Variants in PGPEP1L observed in about 807,000 individuals in gnomAD.
The protein encoded by PGPEP1L is pyroglutamyl-peptidase I like.
Under a neutral mutation model 6.0 loss-of-function variants are expected in PGPEP1L, and 7 were observed. The observed-to-expected ratio is 1.17, with a 90% CI of 0.66 to 2.19. The LOEUF (loss-of-function observed/expected upper bound fraction) is 2.19, where lower values mean the gene tolerates loss of function less well. Among genes scored for constraint, PGPEP1L ranks in the 30% most tolerant of loss-of-function variants. The pLI is 0.00. For synonymous variants in PGPEP1L, 103 were observed against 83.9 expected (o/e 1.23, Z -1.24); for missense variants, 209 against 192.5 (o/e 1.09, Z -0.51).
intron 2 of PGPEP1L, among the ~76,000 whole-genome samples, chr15:98,985,173 A>G (rs549329801): frequency 1.3e-5 from 2 of 152,322 alleles, no homozygotes; most frequent in African/African-American, 4.8e-5. Context: ...GGGCTGAGGC[A>G]TTAGGGTGAC....
intron 2 of PGPEP1L, among the ~76,000 whole-genome samples, chr15:99,004,521 C>A (rs2018020060): frequency 6.6e-6 from 1 of 152,100 alleles, no homozygotes; most frequent in African/African-American, 2.4e-5. Context: ...AGATCGAAAC[C>A]ATCCTGGCCA....
At chr15:99,006,198 T>C (rs781907271) in intron 1 of PGPEP1L, among the ~76,000 whole-genome samples, 2 of 152,230 alleles carry the variant, frequency 1.3e-5, no homozygotes, top group Non-Finnish European at 2.9e-5. Flanking sequence ...CACCGGATCC[T>C]GTATGGATTC....
At chr15:99,001,451 TCTGGGGTG>T (rs1236239061) in intron 2 of PGPEP1L, among the ~76,000 whole-genome samples, 1 of 152,096 alleles carries the variant, frequency 6.6e-6, no homozygotes, top group East Asian at 1.9e-4. Context: ...GGGGTTTCTT[TCTGGGGTG>T]CTGAAAATGT....
In PGPEP1L at chr15:98,969,334, G is replaced by A. The variant is rs906862133; in HGVS notation, c.209+91C>T. 1.3e-5 allele frequency: 19 copies of A among 1,518,050 alleles called. No individual in the cohort carries two copies. In the East Asian group the frequency reaches 1.8e-4, roughly 14 times the overall value. The allele number at this position is 1,518,050 out of a possible 1,614,324, so 94.0% of individuals were successfully genotyped here. On this transcript the variant is annotated intron_variant, in intron 4 of 4. Coordinates refer to ENST00000535714, the MANE Select transcript of PGPEP1L (RefSeq NM_001167902.2). ...CGCATGGCCAAGTGGCCAGCTGGAC[G>A]ATACAGGATGGCTTCTTGGAGGTCG...
intron 2 of PGPEP1L, among the ~76,000 whole-genome samples, chr15:99,000,410 G>A (rs909674823): frequency 1.7e-4 from 26 of 152,230 alleles, no homozygotes; most frequent in South Asian, 8.3e-4. Flanking sequence ...AGGACTGGCA[G>A]GCAGCTCCAC....
intron 2 of PGPEP1L, among the ~76,000 whole-genome samples, chr15:99,001,741 A>T (rs1211106626): frequency 6.6e-6 from 1 of 152,028 alleles, no homozygotes; most frequent in Non-Finnish European, 1.5e-5. Flanking sequence ...TTTTTGAGAC[A>T]GAGTCTCACC....
At chr15:98,993,725 T>TG (rs2017849793) in intron 2 of PGPEP1L, among the ~76,000 whole-genome samples, 1 of 151,948 alleles carries the variant, frequency 6.6e-6, no homozygotes, top group Non-Finnish European at 1.5e-5. Context: ...CTAATATAGA[T>TG]GATGGGTTGA....
At chr15:98,970,126 G>C (rs2017472568) in intron 3 of PGPEP1L, among the ~76,000 whole-genome samples, 1 of 152,160 alleles carries the variant, frequency 6.6e-6, no homozygotes, top group Non-Finnish European at 1.5e-5. Context: ...TCAGCTCCCT[G>C]CAACCTCTGC....
At chr15:98,976,123 A>G (rs75199140) in intron 2 of PGPEP1L, among the ~76,000 whole-genome samples, 1 of 152,152 alleles carries the variant, frequency 6.6e-6, no homozygotes, top group Admixed American at 6.5e-5. Context: ...GGGACAATGG[A>G]AAGTTCTAGA....
At chr15:98,999,827 T>C (rs538533800) in intron 2 of PGPEP1L, among the ~76,000 whole-genome samples, 9 of 152,348 alleles carry the variant, frequency 5.9e-5, no homozygotes, top group African/African-American at 1.9e-4. Context: ...TGAAATATTA[T>C]TTGTCAATAA....
chr15:98,982,061 T>C (rs536306388), intron 2 of PGPEP1L, among the ~76,000 whole-genome samples: 33 of 152,362 alleles, frequency 2.2e-4, no homozygotes, highest in African/African-American at 7.5e-4. Flanking sequence ...GAACTAAACA[T>C]ATGACTCACT....
chr15:99,006,966 C>G (rs2018078482), intron 1 of PGPEP1L, among the ~76,000 whole-genome samples: 1 of 152,212 alleles, frequency 6.6e-6, no homozygotes, highest in Admixed American at 6.5e-5. Context: ...CTCTAGAGAG[C>G]TCAGTGTGAC....
intron 2 of PGPEP1L, among the ~76,000 whole-genome samples, chr15:98,978,284 G>T (rs957826604): frequency 1.3e-5 from 2 of 152,130 alleles, no homozygotes; most frequent in Non-Finnish European, 2.9e-5. Flanking sequence ...TGGGAGAGTC[G>T]GGGCACCCCT....
chr15:98,976,510 A>C (rs977873072), intron 2 of PGPEP1L, among the ~76,000 whole-genome samples: 1 of 152,252 alleles, frequency 6.6e-6, no homozygotes, highest in African/African-American at 2.4e-5. Context: ...AACAGTATTT[A>C]AGCTGCTGGT....
At chr15:98,977,664 A>C (rs886568439) in intron 2 of PGPEP1L, among the ~76,000 whole-genome samples, 2 of 152,184 alleles carry the variant, frequency 1.3e-5, no homozygotes, top group Non-Finnish European at 2.9e-5. Context: ...TGCTGGGTGG[A>C]GTGTTCTACA....
chr15:98,988,491 T>C (rs1458777710), intron 2 of PGPEP1L, among the ~76,000 whole-genome samples: 23 of 152,124 alleles, frequency 1.5e-4, no homozygotes, highest in African/African-American at 5.1e-4. Context: ...GCAGCCCCAG[T>C]CAGGGACATA....
At position 98,969,651 on chromosome 15, in the gene PGPEP1L, G is replaced by A. The variant is rs1441123293; in HGVS notation, c.-18C>T. On this transcript the variant is annotated splice_region_variant and 5_prime_UTR_variant, in exon 4 of 5. Coordinates refer to ENST00000535714, the MANE Select transcript of PGPEP1L (RefSeq NM_001167902.2). ...GTGTCCATGCCCACATGCACGACGA[G>A]CTGTGTGAACGGGTAACAGCAGAGA... is the stretch of plus-strand genomic sequence containing the variant. 6.2e-7 allele frequency: 1 copy of A among 1,610,466 alleles called. No individual in the cohort carries two copies. Among genetic ancestry groups the A allele is most frequent in the African/African-American group, 1.3e-5 (1 of 75,034 alleles).
At chr15:99,005,905 C>G (rs1392812200) in intron 1 of PGPEP1L, among the ~76,000 whole-genome samples, 4 of 152,204 alleles carry the variant, frequency 2.6e-5, no homozygotes, top group Admixed American at 6.5e-5. Context: ...GGCTACCCTA[C>G]AAGTCGTTTA....
intron 2 of PGPEP1L, among the ~76,000 whole-genome samples, chr15:98,994,240 T>C (rs192617738): frequency 7.1e-4 from 108 of 152,262 alleles, no homozygotes; most frequent in African/African-American, 2.5e-3. Flanking sequence ...CACTCCAGCC[T>C]GGGTGACAGA....
Sources: gnomAD v4.1 joint callset for allele counts (sites outside exome capture counted in the v4.1 genomes callset) on GRCh38, gnomAD v4.1.1 for gene constraint, MANE v1.5 for transcripts, NCBI Gene and HGNC (gene_info 2026-07-23, HGNC 2026-07-21) for gene names.